The following REG4 variants were observed in gnomAD, a reference collection of about 807,000 sequenced individuals.
The protein encoded by REG4 is regenerating family member 4.
A neutral mutation model predicts 22.3 loss-of-function variants in REG4; 16 were observed. The observed-to-expected ratio is 0.72, with a 90% CI of 0.49 to 1.09. REG4 has a LOEUF of 1.09. REG4 is among the 50% of genes least tolerant of loss of function. The pLI, the probability that REG4 is intolerant of heterozygous loss-of-function variation, is 0.00. For synonymous variants in REG4, 71 were observed against 69.2 expected (o/e 1.03, Z -0.13); for missense variants, 214 against 193.9 (o/e 1.10, Z -0.61).
chr1:119,800,489 A>G (rs1390454156), intron 3 of REG4, among the ~76,000 whole-genome samples: 1 of 152,194 alleles, frequency 6.6e-6, no homozygotes, highest in African/African-American at 2.4e-5. Context: ...CGGTCCTAAC[A>G]GCAGCCTAAG....
chr1:119,806,783 C>T (rs1019467975), intron 2 of REG4, among the ~76,000 whole-genome samples: 1 of 152,208 alleles, frequency 6.6e-6, no homozygotes, highest in African/African-American at 2.4e-5. Flanking sequence ...CTTGCCTGGA[C>T]TACTCCAATA....
chr1:119,808,957 C>T (rs1654416082), intron 1 of REG4, 94 bp from the exon 2 acceptor site: 2 of 523,512 alleles, frequency 3.8e-6, no homozygotes, highest in Non-Finnish European at 6.7e-6. Flanking sequence ...CTGGCTAAAT[C>T]CAGACTTTAT....
intron 5 of REG4, among the ~76,000 whole-genome samples, chr1:119,797,930 G>A (rs1653979680): frequency 6.6e-6 from 1 of 152,204 alleles, no homozygotes; most frequent in South Asian, 2.1e-4. Flanking sequence ...TAACTCATGA[G>A]CATAAAGACA....
chr1:119,811,320 A>G (rs1016001663), intron 1 of REG4, 89 bp downstream of exon 1: 15 of 152,174 alleles, frequency 9.9e-5, no homozygotes, highest in African/African-American at 3.4e-4. Flanking sequence ...CTAGAAATAC[A>G]ATTTGTCATT....
At chr1:119,799,441 C>T (rs1429513273) in intron 4 of REG4, among the ~76,000 whole-genome samples, 1 of 120,742 alleles carries the variant, frequency 8.3e-6, no homozygotes, top group Non-Finnish European at 1.8e-5. Flanking sequence ...CACACACACA[C>T]ACACACTTTT....
At chr1:119,808,974 G>T in intron 1 of REG4, 111 bp from the exon 2 acceptor site, 3 of 508,510 alleles carry the variant, frequency 5.9e-6, no homozygotes, top group Non-Finnish European at 1.0e-5. Context: ...TTATAATGAA[G>T]GGAATCTCAA....
At chr1:119,804,452 A>T (rs147186821) in intron 2 of REG4, among the ~76,000 whole-genome samples, 204 of 152,318 alleles carry the variant, frequency 1.3e-3, no homozygotes, top group African/African-American at 4.7e-3. Context: ...GTGTAGCTTT[A>T]GATCCTTTGT....
In REG4 at chr1:119,808,843, G is replaced by T. The variant is rs184114427; in HGVS notation, c.-74C>A. 5 of 1,095,376 alleles carry T rather than the reference G, an allele frequency of 4.6e-6. No individual in the cohort carries two copies. Among genetic ancestry groups the T allele is most frequent in the Admixed American group, 4.0e-5 (2 of 50,582 alleles). The allele number at this position is 1,095,376 out of a possible 1,614,324, so 67.9% of individuals were successfully genotyped here. Reference sequence around the variant, plus strand: ...TACTAGCGCTTCTTTGAAACTCCTGGGTTCTCCTTGATCTGCAAATCTGAA... The same window carrying T: ...TACTAGCGCTTCTTTGAAACTCCTGTGTTCTCCTTGATCTGCAAATCTGAA... On this transcript the variant is annotated 5_prime_UTR_variant, in exon 2 of 6. Transcript: ENST00000256585.
At chr1:119,803,267 C>T in intron 2 of REG4, 102 bp from the exon 3 acceptor site, 6 of 1,263,188 alleles carry the variant, frequency 4.7e-6, no homozygotes, top group Non-Finnish European at 6.3e-6. Flanking sequence ...TGAAGAGAGT[C>T]CCTTCATGAA....
intron 5 of REG4, among the ~76,000 whole-genome samples, chr1:119,796,131 G>T (rs1010906108): frequency 1.3e-5 from 2 of 152,160 alleles, no homozygotes; most frequent in African/African-American, 4.8e-5. Flanking sequence ...TGATTAGGGC[G>T]ATTATTTCCT....
At chr1:119,797,707 G>T (rs587605057) in intron 5 of REG4, among the ~76,000 whole-genome samples, 3 of 152,308 alleles carry the variant, frequency 2.0e-5, no homozygotes, top group Admixed American at 6.5e-5. Flanking sequence ...TATTAATCAT[G>T]GTTCTCACCA....
chr1:119,807,676 G>A (rs1654364304), intron 2 of REG4, among the ~76,000 whole-genome samples: 1 of 152,166 alleles, frequency 6.6e-6, no homozygotes, highest in Admixed American at 6.5e-5. Context: ...CACAGGTCCT[G>A]AGCAGCCTGC....
Position 119,794,357 on chromosome 1 carries a change from G to C in REG4, c.*261C>G, listed in dbSNP as rs1383312921. 2.7e-5 allele frequency: 16 copies of C among 595,378 alleles called. No individual in the cohort carries two copies. Among genetic ancestry groups the C allele is most frequent in the South Asian group, 2.5e-4 (14 of 54,988 alleles). 36.9% of individuals were successfully genotyped at this position (595,378 alleles called of 1,614,324 possible). Reference sequence around the variant, plus strand: ...GGCTGGAGATGCACTCTTCTAGACTGCTCGAGACAGCCAGAGACAGGGGAG... The same window carrying C: ...GGCTGGAGATGCACTCTTCTAGACTCCTCGAGACAGCCAGAGACAGGGGAG... On this transcript the variant is annotated 3_prime_UTR_variant, in exon 6 of 6. Coordinates refer to ENST00000256585, the MANE Select transcript of REG4 (RefSeq NM_032044.4).
chr1:119,797,009 C>G (rs1653954385), intron 5 of REG4, among the ~76,000 whole-genome samples: 1 of 152,184 alleles, frequency 6.6e-6, no homozygotes, highest in Admixed American at 6.5e-5. Context: ...AAAACGAATC[C>G]CTGATATTGG....
chr1:119,800,637 A>T (rs1654072782), intron 3 of REG4, among the ~76,000 whole-genome samples: 2 of 152,348 alleles, frequency 1.3e-5, no homozygotes, highest in South Asian at 4.1e-4. Flanking sequence ...ACCCTATATT[A>T]CATAAGAATA....
At chr1:119,801,943 T>C (rs1403825022) in intron 3 of REG4, 1 of 152,172 alleles carries the variant, frequency 6.6e-6, no homozygotes, top group East Asian at 1.9e-4. Context: ...AAAAGTATTA[T>C]CCCACTTTCC....
In REG4 at chr1:119,794,769, A is replaced by G. The variant is rs1433245120; in HGVS notation, c.410-84T>C. On this transcript the variant is annotated intron_variant, in intron 5 of 5. Transcript: ENST00000256585. ...TTATCTGGGTGTTTTTCTTGGAAGCATAGATAAGGCAATATGATGGTTGAC... is the reference window on the plus strand; with the variant it reads ...TTATCTGGGTGTTTTTCTTGGAAGCGTAGATAAGGCAATATGATGGTTGAC... 2.6e-6 allele frequency: 3 copies of G among 1,160,892 alleles called. No individual in the cohort carries two copies. The East Asian group carries it at 7.0e-5, about 27-fold the overall frequency. 71.9% of individuals were successfully genotyped at this position (1,160,892 alleles called of 1,614,324 possible).
intron 2 of REG4, among the ~76,000 whole-genome samples, chr1:119,807,330 T>A (rs587761973): frequency 1.5e-3 from 231 of 152,330 alleles, no homozygotes; most frequent in African/African-American, 5.2e-3. Context: ...ATAAGTAGAA[T>A]GTCCTTCTGC....
At chr1:119,798,242 G>A (rs965953740) in intron 5 of REG4, among the ~76,000 whole-genome samples, 1 of 152,176 alleles carries the variant, frequency 6.6e-6, no homozygotes, top group African/African-American at 2.4e-5. Flanking sequence ...GAAAAAAAAT[G>A]AATGGATTTA....
Sources: allele counts gnomAD v4.1 joint callset (sites outside exome capture counted in the v4.1 genomes callset), GRCh38; gene constraint gnomAD v4.1.1; transcripts MANE v1.5; gene names NCBI Gene and HGNC (gene_info 2026-07-23, HGNC 2026-07-21).